ANO9: variants seen among roughly 807,000 people sequenced by gnomAD.
ANO9 encodes anoctamin 9.
Under a neutral mutation model 100.5 loss-of-function variants are expected in ANO9, and 80 were observed. The observed-to-expected ratio is 0.80, with a 90% CI of 0.66 to 0.96. The LOEUF (loss-of-function observed/expected upper bound fraction) is 0.96, where lower values mean the gene tolerates loss of function less well. Among genes scored for constraint, ANO9 ranks in the 40% least tolerant of loss-of-function variants. The probability of loss-of-function intolerance (pLI) is 0.00; values close to 1 mark genes in which losing one functional copy is unlikely to be tolerated. For synonymous variants in ANO9, 473 were observed against 435.6 expected (o/e 1.09, Z -1.07); for missense variants, 1,064 against 1,072.7 (o/e 0.99, Z 0.11).
chr11:423,617 C>T (rs7106722), intron 15 of ANO9, among the ~76,000 whole-genome samples: 34,916 of 151,824 alleles, frequency 0.23, 4,570 homozygotes, highest in East Asian at 0.58. Flanking sequence ...CAGCGATCCT[C>T]CTACCTCAGC....
Position 418,437 on chromosome 11 carries a change from A to G in ANO9, c.2283T>C (p.Ser761=). Residue 761 remains serine, a synonymous_variant, in exon 23 of 23, where the codon TCT becomes TCC. Transcript: ENST00000332826. ...RQRLGGVGAG[S]RPPMPAHPTP... is the part of the protein sequence containing the mutation. ...TGGGATGGGCAGGCATTGGGGGCCG[A>G]GAGCCTGCCCCCACCCCACCCAGCC... 1 of 1,612,490 alleles carries G rather than the reference A, an allele frequency of 6.2e-7. No individual in the cohort carries two copies. Among genetic ancestry groups the G allele is most frequent in the African/African-American group, 1.3e-5 (1 of 74,962 alleles).
intron 20 of ANO9, 162 bp from the exon 21 acceptor site, chr11:419,151 A>T: frequency 6.9e-7 from 1 of 1,452,902 alleles, no homozygotes. Flanking sequence ...GCACATCTTC[A>T]CATCCGGGGG....
In ANO9 at chr11:420,419, G is replaced by A. The variant is rs776037763; in HGVS notation, c.1786+44C>T. 3.1e-6 allele frequency: 5 copies of A among 1,590,886 alleles called. No homozygotes were observed. In the South Asian group the frequency reaches 3.3e-5, roughly 11 times the overall value. On this transcript the variant is annotated intron_variant, in intron 19 of 22. Transcript: ENST00000332826. ...TGGCCAGCGGGAAGCCCACAGGCCT[G>A]AGGCCGCCCAGTTCCCGCCCATCCT... is the stretch of plus-strand genomic sequence containing the variant.
chr11:425,050 G>C (rs112511167), intron 15 of ANO9, among the ~76,000 whole-genome samples: 2 of 102,214 alleles, frequency 2.0e-5, no homozygotes, highest in African/African-American at 3.9e-5. Context: ...CGCGCGGGAG[G>C]AAAAGGCGGC....
intron 15 of ANO9, among the ~76,000 whole-genome samples, chr11:426,294 G>T (rs977942047): frequency 4.6e-5 from 7 of 152,082 alleles, no homozygotes; most frequent in Admixed American, 2.0e-4. Flanking sequence ...GAGACTGCAG[G>T]TGCGGTAGCT....
intron 1 of ANO9, among the ~76,000 whole-genome samples, chr11:440,019 T>A (rs1315782876): frequency 6.6e-6 from 1 of 151,830 alleles, no homozygotes; most frequent in African/African-American, 2.4e-5. Context: ...GGGCAAGAGG[T>A]TGGCAAAAGG....
chr11:419,497 C>T, intron 20 of ANO9, 85 bp downstream of exon 20: 2 of 1,539,768 alleles, frequency 1.3e-6, no homozygotes, highest in Non-Finnish European at 1.8e-6. Flanking sequence ...CAGCCATTCC[C>T]AGGAGAAAGG....
intron 4 of ANO9, 95 bp downstream of exon 4, chr11:433,219 C>T (rs1234276405): frequency 2.0e-5 from 30 of 1,496,108 alleles, no homozygotes; most frequent in African/African-American, 4.2e-5. Flanking sequence ...GCCTTGGCGA[C>T]GCCTGGAGCC....
At chr11:428,920 C>G (rs547156661) in intron 11 of ANO9, 94 bp from the exon 12 acceptor site, 2 of 1,183,686 alleles carry the variant, frequency 1.7e-6, no homozygotes. Flanking sequence ...TGGACAGACA[C>G]GGGACACTCA....
intron 1 of ANO9, 95 bp downstream of exon 1, chr11:441,826 C>G (rs1424214522): frequency 6.6e-7 from 1 of 1,522,268 alleles, no homozygotes; most frequent in East Asian, 2.4e-5. Flanking sequence ...AGGCGCCTTC[C>G]AGGTGGGGCT....
At chr11:429,398 C>G (rs1399328893) in intron 11 of ANO9, 172 bp downstream of exon 11, 2 of 1,438,408 alleles carry the variant, frequency 1.4e-6, no homozygotes, top group Admixed American at 4.7e-5. Context: ...GGGAGACAGA[C>G]ACAGGGACAC....
intron 14 of ANO9, 63 bp downstream of exon 14, chr11:428,295 C>A (rs1030553287): frequency 1.9e-6 from 3 of 1,609,214 alleles, no homozygotes; most frequent in Admixed American, 3.4e-5. Flanking sequence ...ACCACAGCCC[C>A]AAGGCCCCAG....
chr11:435,440 T>C (rs889427027), intron 1 of ANO9, among the ~76,000 whole-genome samples: 3 of 152,002 alleles, frequency 2.0e-5, no homozygotes, highest in African/African-American at 7.3e-5. Context: ...TCTAGTCTAG[T>C]CTAGTATAGC....
chr11:419,146 T>G, intron 20 of ANO9, 157 bp from the exon 21 acceptor site: 1 of 1,457,164 alleles, frequency 6.9e-7, no homozygotes, highest in Non-Finnish European at 9.0e-7. Context: ...GCCAAGCACA[T>G]CTTCACATCC....
Position 428,581 on chromosome 11 carries a change from G to A in ANO9, c.1079C>T (p.Ala360Val), listed in dbSNP as rs774199562. 131 of 1,612,642 alleles carry A rather than the reference G, an allele frequency of 8.1e-5. 1 individual carries two copies. In the Middle Eastern group the frequency reaches 8.2e-4, roughly 10 times the overall value. Residue 360 changes from alanine (A) to valine (V), a missense_variant, in exon 13 of 23, where the codon GCG becomes GTG. Ala to Val is a moderately conservative substitution (Grantham distance 64, BLOSUM62 0). Transcript: ENST00000332826. The stretch of plus-strand genomic sequence containing the variant: ...GGGCACGGCCGAGCTGCTGAAGAGC[G>A]CGGAGGCCAGGACGCGGTAGACCAC... Reference protein sequence around the residue: ...VLVVYRVLASALFSSSAVPFL... With the variant: ...VLVVYRVLASVLFSSSAVPFL...
chr11:420,756 A>C lies in ANO9; in HGVS notation c.1595T>G (p.Val532Gly), dbSNP rs1475040565. The C allele has an allele frequency of 1.2e-6, 2 of 1,606,684 alleles. No homozygotes were observed. The highest frequency in any genetic ancestry group is 4.5e-5 in the East Asian group (2 of 44,760). The change falls in exon 18 of 23, where the codon GTC becomes GGC. Residue 532 changes from valine to glycine, a missense_variant. Physicochemically the swap from Val to Gly is moderately radical, Grantham distance 109 (BLOSUM62 -3). Transcript: ENST00000332826. ...DWRRNYLLNP[V>G]NTFSLFDEFM... ...CTCGTCGAACAGGCTGAAGGTGTTG[A>C]CCGGGTTCAGAAGGTAGTTGCGCCG... is the stretch of plus-strand genomic sequence containing the variant.
rs554402407 is a variant in ANO9, at chr11:433,625, T to C, written c.205-166A>G. Among the ~76,000 whole-genome samples, 4 of 142,842 alleles carry C rather than the reference T, an allele frequency of 2.8e-5. No homozygotes were observed. The East Asian group carries it at 8.2e-4, about 29-fold the overall frequency. The allele number at this position is 142,842 out of a possible 152,430, so 93.7% of individuals were successfully genotyped here. On this transcript the variant is annotated intron_variant, in intron 3 of 22. Transcript: ENST00000332826. ...GCCCAGAGCCACGGAGCTGCCTCGC[T>C]CCCCACGCCCCTGCTTCTCCCCAAT... is the stretch of plus-strand genomic sequence containing the variant.
At position 421,712 on chromosome 11, in the gene ANO9, C is replaced by T. The variant is rs971302302; in HGVS notation, c.1335-514G>A. 3.3e-5 allele frequency among the ~76,000 whole-genome samples: 5 copies of T among 152,232 alleles called. No individual in the cohort carries two copies. Among genetic ancestry groups the T allele is most frequent in the Admixed American group, 1.3e-4 (2 of 15,288 alleles). On this transcript the variant is annotated intron_variant, in intron 15 of 22. Transcript: ENST00000332826. This position sits in a 1 kb window ranked among gnomAD's most constrained non-coding sequence, Gnocchi z 6.8. ...CACACGCTCCAGACAGTGTCTGTTA[C>T]GAGTGGCCTCGGTTTCTCCCCGTGG...
intron 15 of ANO9, 63 bp downstream of exon 15, chr11:428,025 C>CTTCTTTTTTTTTTTTTTTTTTTTTTT: frequency 7.5e-7 from 1 of 1,337,864 alleles, no homozygotes; most frequent in Non-Finnish European, 1.0e-6. Flanking sequence ...GACATTGCCA[C>CTTCTTTTTTTTTTTTTTTTTTTTTTT]TTTAAAGGCA....
Sources: gnomAD v4.1 joint callset for allele counts (sites outside exome capture counted in the v4.1 genomes callset) on GRCh38, gnomAD v4.1.1 for gene constraint, Gnocchi (gnomAD v3.1) non-coding constraint, MANE v1.5 for transcripts, NCBI Gene and HGNC (gene_info 2026-07-23, HGNC 2026-07-21) for gene names.